SLC44A1: variants seen among roughly 807,000 people sequenced by gnomAD.
SLC44A1 encodes the protein choline transporter-like protein 1.
A neutral mutation model predicts 79.3 loss-of-function variants in SLC44A1; 26 were observed. The ratio of observed to expected loss-of-function variants is 0.33; its 90% confidence interval spans 0.24 to 0.46. SLC44A1 has a LOEUF of 0.46. Among genes scored for constraint, SLC44A1 ranks in the 20% least tolerant of loss-of-function variants. The probability of loss-of-function intolerance (pLI) is 1.00; values close to 1 mark genes in which losing one functional copy is unlikely to be tolerated. For synonymous variants in SLC44A1, 263 were observed against 286.2 expected (o/e 0.92, Z 0.82); for missense variants, 688 against 798.1 (o/e 0.86, Z 1.66).
At chr9:105,437,899 A>G (rs1293911954) in intron 15 of SLC44A1, among the ~76,000 whole-genome samples, 1 of 152,220 alleles carries the variant, frequency 6.6e-6, no homozygotes, top group African/African-American at 2.4e-5. Flanking sequence ...TCAAAGAACA[A>G]TACTAATGCC....
At chr9:105,325,546 A>C (rs573380287) in intron 3 of SLC44A1, among the ~76,000 whole-genome samples, 1 of 152,332 alleles carries the variant, frequency 6.6e-6, no homozygotes, top group African/African-American at 2.4e-5. Flanking sequence ...TCAGGGTATC[A>C]CATGATGAGG....
chr9:105,289,118 TAA>T (rs1588738606), intron 1 of SLC44A1, among the ~76,000 whole-genome samples: 1 of 152,202 alleles, frequency 6.6e-6, no homozygotes, highest in Non-Finnish European at 1.5e-5. Context: ...GGGGAAGCGG[TAA>T]GGCCGTCTGT....
chr9:105,299,579 A>T (rs1384227013), intron 2 of SLC44A1, among the ~76,000 whole-genome samples: 1 of 152,254 alleles, frequency 6.6e-6, no homozygotes, highest in Non-Finnish European at 1.5e-5. Context: ...TGAGCAAAAC[A>T]GTGACCATGA....
chr9:105,383,206 G>A lies in SLC44A1; in HGVS notation c.1716G>A (p.Leu572=). 1 of 1,614,156 alleles carries A rather than the reference G, an allele frequency of 6.2e-7. No individual in the cohort carries two copies. Among genetic ancestry groups the A allele is most frequent in the East Asian group, 2.2e-5 (1 of 44,878 alleles). ...QQDYTVWVLP[L]IIVCLFAFLV... ...ACTACACAGTATGGGTGCTGCCTCT[G>A]ATCATCGTCTGCCTCTTTGCTTTCC... The change falls in exon 14 of 16, where the codon CTG becomes CTA. Residue 572 remains leucine, a synonymous_variant. Coordinates refer to ENST00000374720, the MANE Select transcript of SLC44A1 (RefSeq NM_080546.5).
At chr9:105,329,865 T>G (rs931113957) in intron 3 of SLC44A1, among the ~76,000 whole-genome samples, 16 of 152,156 alleles carry the variant, frequency 1.1e-4, no homozygotes, top group African/African-American at 3.9e-4. Flanking sequence ...ATGGCTTAGA[T>G]ACTGCCTCCT....
intron 12 of SLC44A1, 131 bp downstream of exon 12, chr9:105,366,560 ATGTC>A (rs1184416315): frequency 2.6e-4 from 111 of 427,372 alleles, no homozygotes; most frequent in African/African-American, 2.2e-3. Context: ...TTGATAAAGT[ATGTC>A]TATTTCAATC....
chr9:105,319,202 CA>C (rs1826305600), intron 3 of SLC44A1, among the ~76,000 whole-genome samples: 1 of 152,150 alleles, frequency 6.6e-6, no homozygotes, highest in African/African-American at 2.4e-5. Context: ...ATTGCAAGAT[CA>C]GGGGTCCATA....
chr9:105,351,602 GAAAGAAAGAAAGAAAGAAA>G (rs1564452793), intron 5 of SLC44A1, among the ~76,000 whole-genome samples: 94 of 47,678 alleles, frequency 2.0e-3, no homozygotes, highest in Non-Finnish European at 2.4e-3. Flanking sequence ...GAAAGAGAAA[GAAAGAAAGAAAGAAAGAAA>G]GAGAGAGAAA....
intron 1 of SLC44A1, among the ~76,000 whole-genome samples, chr9:105,261,865 T>A (rs1362787294): frequency 2.0e-5 from 3 of 150,212 alleles, no homozygotes; most frequent in Non-Finnish European, 4.4e-5. Context: ...CTGCAGCCTC[T>A]GCCTCCCAGG....
At chr9:105,417,747 A>G (rs2131512757) in intron 15 of SLC44A1, among the ~76,000 whole-genome samples, 1 of 151,906 alleles carries the variant, frequency 6.6e-6, no homozygotes, top group South Asian at 2.1e-4. Context: ...TTATACCTGT[A>G]ATCCCAGCTA....
At chr9:105,376,472 T>C (rs13294539) in intron 13 of SLC44A1, among the ~76,000 whole-genome samples, 31,773 of 151,402 alleles carry the variant, frequency 0.21, 5,269 homozygotes, top group African/African-American at 0.46. Context: ...GTCCTGGGTT[T>C]AAGCGATTCT....
intron 5 of SLC44A1, among the ~76,000 whole-genome samples, chr9:105,354,075 G>A: frequency 8.8e-6 from 1 of 113,110 alleles, no homozygotes; most frequent in African/African-American, 5.0e-5. Flanking sequence ...TTTTGAGACG[G>A]AGTCTCTCTC....
intron 9 of SLC44A1, among the ~76,000 whole-genome samples, chr9:105,363,219 G>C (rs538701103): frequency 6.6e-6 from 1 of 152,084 alleles, no homozygotes; most frequent in South Asian, 2.1e-4. Context: ...CTGGAGTGAA[G>C]TGGTGCTCTC....
chr9:105,252,583 G>A (rs112005983), intron 1 of SLC44A1, among the ~76,000 whole-genome samples: 3 of 152,206 alleles, frequency 2.0e-5, no homozygotes, highest in African/African-American at 7.2e-5. Context: ...CTGGGTCAAG[G>A]TGGACAGGAA....
chr9:105,356,872 A>G (rs1044739862), intron 6 of SLC44A1, among the ~76,000 whole-genome samples: 5 of 152,138 alleles, frequency 3.3e-5, no homozygotes, highest in African/African-American at 1.2e-4. Flanking sequence ...ATCTCCACCT[A>G]TTAGCCACTG....
intron 1 of SLC44A1, among the ~76,000 whole-genome samples, chr9:105,261,796 T>C: frequency 6.8e-6 from 1 of 146,218 alleles, no homozygotes; most frequent in South Asian, 2.2e-4. Flanking sequence ...TTTTTTTTTT[T>C]TGAGAGGGAG....
In SLC44A1 at chr9:105,393,677, A is replaced by C. The variant is rs140515515; in HGVS notation, c.*4621A>C. 173 of 984,692 alleles carry C rather than the reference A, an allele frequency of 1.8e-4. 1 individual carries two copies. In the Middle Eastern group the frequency reaches 4.7e-3, roughly 27 times the overall value. The allele number at this position is 984,692 out of a possible 1,614,324, so 61.0% of individuals were successfully genotyped here. A position where few individuals can be genotyped will look rare whatever the true frequency, so the allele number is the denominator to read the frequency against. ...TTTGTACATGTAAAGACAAATGATG[A>C]TTCAGTTTCAATATTGCATGAACAA... is the stretch of plus-strand genomic sequence containing the variant. On this transcript the variant is annotated 3_prime_UTR_variant, in exon 16 of 16. Coordinates refer to ENST00000374720, the MANE Select transcript of SLC44A1 (RefSeq NM_080546.5).
chr9:105,330,423 T>A (rs576572330), intron 3 of SLC44A1, among the ~76,000 whole-genome samples: 13 of 152,354 alleles, frequency 8.5e-5, no homozygotes, highest in South Asian at 2.1e-4. Context: ...AAGTAAATTA[T>A]TGGTGAATCT....
intron 15 of SLC44A1, among the ~76,000 whole-genome samples, chr9:105,419,380 A>C (rs1428528383): frequency 3.3e-5 from 5 of 152,180 alleles, no homozygotes; most frequent in African/African-American, 9.7e-5. Context: ...TTGTGCCTTC[A>C]TTGTAGTTTT....
Sources: gnomAD v4.1 joint callset for allele counts (sites outside exome capture counted in the v4.1 genomes callset) on GRCh38, gnomAD v4.1.1 for gene constraint, MANE v1.5 for transcripts, NCBI Gene and HGNC (gene_info 2026-07-23, HGNC 2026-07-21) for gene names.